Variants in NECAB2 observed in about 807,000 individuals in gnomAD.
NECAB2 encodes N-terminal EF-hand calcium-binding protein 2.
A neutral mutation model predicts 51.9 loss-of-function variants in NECAB2; 68 were observed. The ratio of observed to expected loss-of-function variants is 1.31; its 90% confidence interval spans 1.08 to 1.60. NECAB2 has a LOEUF of 1.60. Among genes scored for constraint, NECAB2 ranks in the 40% most tolerant of loss-of-function variants. The pLI is 0.00. For synonymous variants in NECAB2, 329 were observed against 203.5 expected (o/e 1.62, Z -5.25); for missense variants, 854 against 490.3 (o/e 1.74, Z -7.00).
chr16:83,972,679 C>T (rs1038427143), intron 2 of NECAB2, among the ~76,000 whole-genome samples: 1 of 152,204 alleles, frequency 6.6e-6, no homozygotes, highest in African/African-American at 2.4e-5. Flanking sequence ...TGCCCAGCTG[C>T]ATGAAGGAAA....
intron 5 of NECAB2, among the ~76,000 whole-genome samples, chr16:83,985,288 G>A (rs1392341661): frequency 3.7e-5 from 4 of 109,034 alleles, no homozygotes; most frequent in Non-Finnish European, 7.0e-5. Context: ...ACTCCAGCCT[G>A]GACAACAAGA....
At chr16:83,999,541 C>T (rs111925880) in intron 10 of NECAB2, among the ~76,000 whole-genome samples, 143 of 152,220 alleles carry the variant, frequency 9.4e-4, no homozygotes, top group African/African-American at 3.2e-3. Context: ...GAATCCAGCC[C>T]GGCCCCTTCC....
intron 6 of NECAB2, chr16:83,993,570 A>C (rs2084653292): frequency 6.5e-6 from 1 of 153,538 alleles, no homozygotes; most frequent in Admixed American, 6.6e-5. Context: ...TTGGTCATTC[A>C]TTGAGCATTT....
chr16:83,974,886 G>T (rs1402477486), intron 2 of NECAB2, among the ~76,000 whole-genome samples: 1 of 151,614 alleles, frequency 6.6e-6, no homozygotes, highest in Non-Finnish European at 1.5e-5. Context: ...GTGGGTGCAG[G>T]GATGAGAGCA....
rs564535701 is a variant in NECAB2 at position 83,983,602 on chromosome 16, C to T, written c.459+2475C>T. On this transcript the variant is annotated intron_variant, in intron 5 of 12. Coordinates refer to ENST00000305202, the MANE Select transcript of NECAB2 (RefSeq NM_019065.3). ...TAAATGATCATATGATTTTTTTCCCCTAAGCTATTGATGGGGTGGATGCTA... is the reference window on the plus strand; with the variant it reads ...TAAATGATCATATGATTTTTTTCCCTTAAGCTATTGATGGGGTGGATGCTA... Among the ~76,000 whole-genome samples the T allele has an allele frequency of 7.9e-5, 12 of 152,178 alleles. 1 individual carries two copies. The highest frequency in any genetic ancestry group is 2.4e-4 in the African/African-American group (10 of 41,524).
chr16:83,992,994 C>G (rs41453147), intron 6 of NECAB2, among the ~76,000 whole-genome samples: 1 of 152,144 alleles, frequency 6.6e-6, no homozygotes. Context: ...CTCCATCACG[C>G]GTCAGCAGTT....
intron 11 of NECAB2, 43 bp from the exon 12 acceptor site, chr16:84,001,781 TC>T: frequency 5.6e-6 from 9 of 1,604,756 alleles, no homozygotes; most frequent in Non-Finnish European, 7.7e-6. Flanking sequence ...CACGCGGAGC[TC>T]CACTCCTGCC....
rs1441338531 is a variant in NECAB2 at position 84,002,380 on chromosome 16, G to C, written c.*34G>C. 4 of 1,608,252 alleles carry C rather than the reference G, an allele frequency of 2.5e-6. No individual in the cohort carries two copies. Among genetic ancestry groups the C allele is most frequent in the Non-Finnish European group, 2.5e-6 (3 of 1,177,236 alleles). On this transcript the variant is annotated 3_prime_UTR_variant, in exon 13 of 13. Transcript: ENST00000305202. ...CAGAGGCCCGTGGAGGAGCCCACCA[G>C]CCCCTTCTTCTTGTGAAGGAAATCC...
In NECAB2 at chr16:84,001,999, G is replaced by A. The variant is rs1016427218; in HGVS notation, c.1132+83G>A. 6 of 1,450,566 alleles carry A rather than the reference G, an allele frequency of 4.1e-6. No homozygotes were observed. The Admixed American group carries it at 5.7e-5, about 14-fold the overall frequency. 89.9% of individuals were successfully genotyped at this position (1,450,566 alleles called of 1,614,324 possible). A position where few individuals can be genotyped will look rare whatever the true frequency, so the allele number is the denominator to read the frequency against. On this transcript the variant is annotated intron_variant, in intron 12 of 12. Transcript: ENST00000305202. ...CCTAGAGGCTGCCCCATATCTCCCG[G>A]GGACTTGCCTGCTTGCTGTGGGCCC...
intron 6 of NECAB2, among the ~76,000 whole-genome samples, chr16:83,993,128 G>T (rs902686129): frequency 6.6e-6 from 1 of 152,098 alleles, no homozygotes; most frequent in East Asian, 1.9e-4. Context: ...AGCTAGTTTG[G>T]CTCTAGGCTG....
chr16:83,967,705 CGGATGGAT>C (rs60129536), upstream of NECAB2, among the ~76,000 whole-genome samples: 25 of 77,284 alleles, frequency 3.2e-4, no homozygotes, highest in African/African-American at 7.3e-4. Flanking sequence ...GATGGATGGA[CGGATGGAT>C]GGATGGATGG....
chr16:83,977,735 G>A (rs2084431340), intron 2 of NECAB2, among the ~76,000 whole-genome samples: 2 of 152,204 alleles, frequency 1.3e-5, no homozygotes, highest in South Asian at 4.1e-4. Context: ...GGAGGTAACT[G>A]AGAACCTCAT....
At chr16:83,992,380 C>CCCCT (rs1555548097) in intron 6 of NECAB2, among the ~76,000 whole-genome samples, 10 of 145,154 alleles carry the variant, frequency 6.9e-5, no homozygotes, top group African/African-American at 2.2e-4. Context: ...GCACCCGTCC[C>CCCCT]CCCGCCCACC....
intron 10 of NECAB2, among the ~76,000 whole-genome samples, chr16:83,999,293 C>G (rs1165788995): frequency 1.3e-5 from 2 of 152,106 alleles, no homozygotes; most frequent in Non-Finnish European, 2.9e-5. Context: ...CACTCCACTC[C>G]AGGAGGACAG....
chr16:83,994,917 TGGG>T (rs1208175434), intron 8 of NECAB2, among the ~76,000 whole-genome samples: 1 of 151,778 alleles, frequency 6.6e-6, no homozygotes, highest in East Asian at 1.9e-4. Flanking sequence ...GAGAGAGTGT[TGGG>T]GGGTCAGGCG....
rs1204100656 is a variant in NECAB2 at position 84,002,323 on chromosome 16, T to C, written c.1138T>C (p.Trp380Arg). Residue 380 changes from tryptophan (W) to arginine (R), a missense_variant, in exon 13 of 13, where the codon TGG becomes CGG. Transcript: ENST00000305202. ...ACGTGTCTCTCTCCTTTTAGCTGCT[T>C]GGTGCACGGTGGGACGGGACTGACA... ...ALSRILVPAA[W>R]CTVGRD 2 of 1,613,852 alleles carry C rather than the reference T, an allele frequency of 1.2e-6. No homozygotes were observed. Among genetic ancestry groups the C allele is most frequent in the African/African-American group, 2.7e-5 (2 of 74,914 alleles).
In NECAB2 at chr16:83,992,375, C is replaced by T. The variant is rs528621610; in HGVS notation, c.596+1745C>T. 4.1e-3 allele frequency among the ~76,000 whole-genome samples: 503 copies of T among 124,152 alleles called. 11 individuals carry two copies. The highest frequency in any genetic ancestry group is 0.028 in the African/African-American group (485 of 17,384). The allele number at this position is 124,152 out of a possible 152,430, so 81.4% of individuals were successfully genotyped here. ...CCATCTCCCGGGGAACACGAGCACC[C>T]GTCCCCCCGCCCACCTCCATTTGCT... is the stretch of plus-strand genomic sequence containing the variant. On this transcript the variant is annotated intron_variant, in intron 6 of 12. Coordinates refer to ENST00000305202, the MANE Select transcript of NECAB2 (RefSeq NM_019065.3).
intron 1 of NECAB2, 44 bp from the exon 2 acceptor site, chr16:83,972,107 G>C: frequency 6.2e-7 from 1 of 1,612,168 alleles, no homozygotes; most frequent in South Asian, 1.1e-5. Context: ...GGAAGCGCTT[G>C]CCTCTCCCTG....
upstream of NECAB2, among the ~76,000 whole-genome samples, chr16:83,966,913 G>T (rs761701166): frequency 1.3e-5 from 2 of 151,686 alleles, no homozygotes; most frequent in Admixed American, 1.3e-4. Context: ...GTCTCATTTT[G>T]TCACCCAGGC....
Sources: allele counts gnomAD v4.1 joint callset (sites outside exome capture counted in the v4.1 genomes callset), GRCh38; gene constraint gnomAD v4.1.1; transcripts MANE v1.5; gene names NCBI Gene and HGNC (gene_info 2026-07-23, HGNC 2026-07-21).